HOMER1: variants seen among roughly 807,000 people sequenced by gnomAD.
HOMER1 encodes the protein homer protein homolog 1.
A neutral mutation model predicts 48.9 loss-of-function variants in HOMER1; 3 were observed. The ratio of observed to expected loss-of-function variants is 0.06; its 90% CI spans 0.03 to 0.16. HOMER1 has a LOEUF of 0.16. Ranked by LOEUF, HOMER1 falls within the 10% of genes least tolerant of loss-of-function variation. The probability of loss-of-function intolerance (pLI) is 1.00; values close to 1 mark genes in which losing one functional copy is unlikely to be tolerated. For missense variants in HOMER1, 247 were observed against 411.4 expected (o/e 0.60, Z 3.46); for synonymous variants, 134 against 146.4 (o/e 0.92, Z 0.61).
At chr5:79,419,655 T>C (rs1173751243) in intron 5 of HOMER1, among the ~76,000 whole-genome samples, 3 of 152,126 alleles carry the variant, frequency 2.0e-5, no homozygotes, top group East Asian at 3.9e-4. Context: ...AAGAATAATA[T>C]TAAAATGACT....
At chr5:79,399,266 T>A (rs568813764) in intron 6 of HOMER1, among the ~76,000 whole-genome samples, 9 of 152,332 alleles carry the variant, frequency 5.9e-5, no homozygotes, top group African/African-American at 1.9e-4. Context: ...CTGAAGGTAC[T>A]CTGCAGTCTG....
chr5:79,417,427 C>CCA (rs1749976792), intron 5 of HOMER1, among the ~76,000 whole-genome samples: 1 of 152,196 alleles, frequency 6.6e-6, no homozygotes. Flanking sequence ...TAGGCGTGAG[C>CCA]CACCGCACCC....
chr5:79,456,719 T>C (rs1580463195), intron 2 of HOMER1, 143 bp downstream of exon 2: 1 of 679,810 alleles, frequency 1.5e-6, no homozygotes, highest in Non-Finnish European at 2.4e-6. Flanking sequence ...GCTACCTTAA[T>C]AATCCATTTT....
intron 8 of HOMER1, among the ~76,000 whole-genome samples, chr5:79,385,716 A>C (rs982901545): frequency 6.6e-6 from 1 of 151,920 alleles, no homozygotes; most frequent in African/African-American, 2.4e-5. Context: ...GTTGGTGGGC[A>C]TCTGTAATCC....
At chr5:79,486,640 T>G (rs1221744246) in intron 1 of HOMER1, among the ~76,000 whole-genome samples, 1 of 152,176 alleles carries the variant, frequency 6.6e-6, no homozygotes, top group African/African-American at 2.4e-5. Flanking sequence ...TTTAGTGACC[T>G]ACCCAAGATC....
At chr5:79,419,864 G>T (rs1217757401) in intron 5 of HOMER1, among the ~76,000 whole-genome samples, 1 of 143,184 alleles carries the variant, frequency 7.0e-6, no homozygotes, top group Admixed American at 7.1e-5. Flanking sequence ...ATTTTAACAC[G>T]GAAGTACCTC....
chr5:79,501,312 TG>T (rs1752582950), intron 1 of HOMER1, among the ~76,000 whole-genome samples: 1 of 152,204 alleles, frequency 6.6e-6, no homozygotes, highest in South Asian at 2.1e-4. Flanking sequence ...CTTACTTTAT[TG>T]TACGAATACA....
chr5:79,498,904 C>T (rs1752497547), intron 1 of HOMER1, among the ~76,000 whole-genome samples: 4 of 149,352 alleles, frequency 2.7e-5, no homozygotes, highest in South Asian at 4.2e-4. Flanking sequence ...GGCATGATCT[C>T]GGCCCATTGC....
At chr5:79,503,038 T>G (rs369793886) in intron 1 of HOMER1, among the ~76,000 whole-genome samples, 13 of 152,004 alleles carry the variant, frequency 8.6e-5, no homozygotes, top group African/African-American at 3.1e-4. Flanking sequence ...CTGCCCGCCT[T>G]GGCCTCCCAA....
chr5:79,501,335 A>G (rs1190245525), intron 1 of HOMER1, among the ~76,000 whole-genome samples: 1 of 152,192 alleles, frequency 6.6e-6, no homozygotes, highest in Admixed American at 6.5e-5. Flanking sequence ...CATATAAAAC[A>G]TATAACATAC....
intron 8 of HOMER1, among the ~76,000 whole-genome samples, chr5:79,381,885 C>CA (rs142328749): frequency 0.3 from 40,849 of 137,814 alleles, 5,901 homozygotes; most frequent in African/African-American, 0.38. Context: ...ACTCCATCTC[C>CA]AAAAAAAAAA....
At chr5:79,429,978 G>A (rs1580445860) in intron 5 of HOMER1, among the ~76,000 whole-genome samples, 2 of 150,246 alleles carry the variant, frequency 1.3e-5, no homozygotes, top group Middle Eastern at 3.4e-3. Context: ...AGCCGAGATT[G>A]AGCCACTGCA....
chr5:79,433,588 A>C (rs1369832266), intron 5 of HOMER1, among the ~76,000 whole-genome samples: 2 of 152,134 alleles, frequency 1.3e-5, no homozygotes, highest in African/African-American at 4.8e-5. Context: ...AACAAACAAA[A>C]AAGATTAAGC....
intron 1 of HOMER1, among the ~76,000 whole-genome samples, chr5:79,484,668 T>C (rs1453404664): frequency 6.6e-6 from 1 of 152,190 alleles, no homozygotes; most frequent in Admixed American, 6.5e-5. Flanking sequence ...AAAATCATTT[T>C]AAATATAAAG....
At position 79,500,959 on chromosome 5, in the gene HOMER1, G is replaced by GACACACACAC. The variant is rs779298030; in HGVS notation, c.5+11810_5+11811insGTGTGTGTGT. ...TGTGTGTGTGTGTGTGTGTGAGACAGACAGACACACACACACACACACACA... is the reference window on the plus strand; with the variant it reads ...TGTGTGTGTGTGTGTGTGTGAGACAGACACACACACACAGACACACACACACACACACACA... On this transcript the variant is annotated intron_variant, in intron 1 of 8. Coordinates refer to ENST00000334082, the MANE Select transcript of HOMER1 (RefSeq NM_004272.5). Among the ~76,000 whole-genome samples, 489 of 129,960 alleles carry GACACACACAC rather than the reference G, an allele frequency of 3.8e-3. 2 individuals carry two copies. The highest frequency in any genetic ancestry group is 8.9e-3 in the South Asian group (38 of 4,284). 85.3% of individuals were successfully genotyped at this position (129,960 alleles called of 152,430 possible).
rs115098885 is a variant in HOMER1 at position 79,482,382 on chromosome 5, G to A, written c.6-25364C>T. Among the ~76,000 whole-genome samples, 904 of 151,976 alleles carry A rather than the reference G, an allele frequency of 5.9e-3. 3 individuals carry two copies. Among genetic ancestry groups the A allele is most frequent in the Non-Finnish European group, 9.6e-3 (655 of 67,976 alleles). On this transcript the variant is annotated intron_variant, in intron 1 of 8. Coordinates refer to ENST00000334082, the MANE Select transcript of HOMER1 (RefSeq NM_004272.5). ...CATAGATGATAGAACAGGTAGACAA[G>A]AACATTAAGATAGTTATTAAAACTA... is the stretch of plus-strand genomic sequence containing the variant.
intron 1 of HOMER1, among the ~76,000 whole-genome samples, chr5:79,469,434 C>T (rs1446508761): frequency 1.3e-5 from 2 of 152,096 alleles, no homozygotes. Flanking sequence ...GTGACTCTAA[C>T]TTTCATTTGA....
intron 7 of HOMER1, 82 bp from the exon 8 acceptor site, chr5:79,396,985 C>T (rs1749403329): frequency 4.2e-6 from 3 of 721,270 alleles, no homozygotes; most frequent in African/African-American, 3.6e-5. Context: ...AATTATTGTT[C>T]TAGTTCTTAG....
At chr5:79,424,547 G>A (rs1269129760) in intron 5 of HOMER1, among the ~76,000 whole-genome samples, 1 of 151,876 alleles carries the variant, frequency 6.6e-6, no homozygotes, top group Non-Finnish European at 1.5e-5. Context: ...TATGATTATA[G>A]AAACTACCCA....
Sources: allele counts gnomAD v4.1 joint callset (sites outside exome capture counted in the v4.1 genomes callset), GRCh38; gene constraint gnomAD v4.1.1; transcripts MANE v1.5; gene names NCBI Gene and HGNC (gene_info 2026-07-23, HGNC 2026-07-21).